Variants in OOSP2 observed in about 807,000 individuals in gnomAD.
The protein encoded by OOSP2 is oocyte-secreted protein 2.
In OOSP2, 7 loss-of-function variants were observed where a neutral mutation model predicts 13.4. The ratio of observed to expected loss-of-function variants is 0.52; its 90% CI spans 0.30 to 0.98. The LOEUF is 0.98. Ranked by LOEUF, OOSP2 falls within the 50% of genes least tolerant of loss-of-function variation. The pLI, the probability that OOSP2 is intolerant of heterozygous loss-of-function variation, is 0.07. For missense variants in OOSP2, 184 were observed against 188.5 expected, an observed-to-expected ratio of 0.98 and a Z score of 0.14; for synonymous variants, 75 against 67.2, an observed-to-expected ratio of 1.12 and a Z score of -0.57.
In OOSP2 at chr11:60,043,647, G is replaced by T; in HGVS notation, c.243G>T (p.Arg81Ser). ...TTCGTGATTGTGGCATCAGGACAAG[G>T]GTAAGAACAGTGATTGTTTGTAAAA... ...YLVRDCGIRT[R>S]VVSEETLLFQ... The change falls in exon 2 of 4, where the codon AGG becomes AGT. Residue 81 changes from arginine (R) to serine (S), a missense_variant and splice_region_variant. Transcript: ENST00000278855. 6.6e-7 allele frequency: 1 copy of T among 1,521,366 alleles called. No homozygotes were observed. The highest frequency in any genetic ancestry group is 1.2e-5 in the South Asian group (1 of 82,772). 94.2% of individuals were successfully genotyped at this position (1,521,366 alleles called of 1,614,324 possible).
rs1443051143 is a variant in OOSP2 at position 60,045,829 on chromosome 11, C to T, written c.347+1055C>T. 7.2e-5 allele frequency among the ~76,000 whole-genome samples: 11 copies of T among 152,194 alleles called. No individual in the cohort carries two copies. The South Asian group carries it at 2.1e-3, about 29-fold the overall frequency. ...ATTTTCATAATACTTTTACTCTTCCCTTTAACTTATTTTCATAAAGGCTGA... is the reference window on the plus strand; with the variant it reads ...ATTTTCATAATACTTTTACTCTTCCTTTTAACTTATTTTCATAAAGGCTGA... On this transcript the variant is annotated intron_variant, in intron 3 of 3. Coordinates refer to ENST00000278855, the MANE Select transcript of OOSP2 (RefSeq NM_173801.5).
chr11:60,046,988 A>G lies in OOSP2; in HGVS notation c.392A>G (p.Lys131Arg), dbSNP rs1565056466. The G allele has an allele frequency of 6.2e-7, 1 of 1,607,866 alleles. No individual in the cohort carries two copies. The highest frequency in any genetic ancestry group is 8.5e-7 in the Non-Finnish European group (1 of 1,174,470). ...CCAGTTTCTACTGAGAATGAAATAA[A>G]ATTGGATCCTAGTCCTTTTATTGCT... Reference protein sequence around the residue: ...LTPVSTENEIKLDPSPFIADF... With the variant: ...LTPVSTENEIRLDPSPFIADF... The change falls in exon 4 of 4, where the codon AAA (lysine) becomes AGA (arginine). Residue 131 changes from lysine to arginine, a missense_variant. Coordinates refer to ENST00000278855, the MANE Select transcript of OOSP2 (RefSeq NM_173801.5).
At chr11:60,046,644 G>A (rs567254932) in intron 3 of OOSP2, 4 of 501,776 alleles carry the variant, frequency 8.0e-6, no homozygotes, top group Non-Finnish European at 1.6e-5. Context: ...AGTCTGTTTT[G>A]CTGGGTACAT....
chr11:60,046,719 G>T, intron 3 of OOSP2: 1 of 647,178 alleles, frequency 1.5e-6, no homozygotes, highest in South Asian at 1.5e-5. Context: ...CTCAGTGTTT[G>T]ATGCAGAAAT....
chr11:60,041,371 A>G (rs987830751), intron 1 of OOSP2, among the ~76,000 whole-genome samples: 1 of 152,220 alleles, frequency 6.6e-6, no homozygotes, highest in African/African-American at 2.4e-5. Context: ...ACAGTTAATT[A>G]TTGAAATGAA....
intron 1 of OOSP2, 80 bp downstream of exon 1, chr11:60,040,603 T>C (rs1001796717): frequency 1.2e-6 from 1 of 803,954 alleles, no homozygotes; most frequent in Admixed American, 1.8e-5. Flanking sequence ...TTTTACTCCC[T>C]GAAGAAATCT....
intron 2 of OOSP2, among the ~76,000 whole-genome samples, chr11:60,044,202 T>C (rs1854977990): frequency 6.6e-6 from 1 of 152,238 alleles, no homozygotes; most frequent in African/African-American, 2.4e-5. Context: ...ATAACAATCA[T>C]TTTTGAATAA....
chr11:60,047,106 T>A lies in OOSP2; in HGVS notation c.*33T>A. The A allele has an allele frequency of 6.4e-7, 1 of 1,564,708 alleles. No homozygotes were observed. The highest frequency in any genetic ancestry group is 8.7e-7 in the Non-Finnish European group (1 of 1,153,982). On this transcript the variant is annotated 3_prime_UTR_variant, in exon 4 of 4. Transcript: ENST00000278855. ...GAGAAATGGAAACTTGAAGCTGGTG[T>A]TATGTATTTTGCAGGAAAACAGTTT...
chr11:60,046,247 A>G (rs903766957), intron 3 of OOSP2, among the ~76,000 whole-genome samples: 1 of 149,628 alleles, frequency 6.7e-6, no homozygotes, highest in Non-Finnish European at 1.5e-5. Context: ...CTCCATCTCC[A>G]TCTCTTTGTC....
intron 3 of OOSP2, among the ~76,000 whole-genome samples, chr11:60,045,010 A>AACAG (rs140812288): frequency 0.27 from 40,710 of 151,790 alleles, 6,132 homozygotes; most frequent in East Asian, 0.41. Flanking sequence ...TAATGGTCCT[A>AACAG]ACAATCTAGT....
At chr11:60,046,393 G>T (rs1229241686) in intron 3 of OOSP2, among the ~76,000 whole-genome samples, 2 of 152,000 alleles carry the variant, frequency 1.3e-5, no homozygotes, top group African/African-American at 2.4e-5. Context: ...ATGATAAATA[G>T]ATATTCCTAT....
At chr11:60,043,909 G>T (rs968404875) in intron 2 of OOSP2, among the ~76,000 whole-genome samples, 2 of 152,168 alleles carry the variant, frequency 1.3e-5, no homozygotes, top group African/African-American at 4.8e-5. Flanking sequence ...CTAAATATTA[G>T]CAGACTGCTT....
rs752322062 is a variant in OOSP2 at position 60,043,625 on chromosome 11, G to A, written c.221G>A (p.Arg74His). The A allele has an allele frequency of 1.6e-5, 25 of 1,602,644 alleles. No homozygotes were observed. Among genetic ancestry groups the A allele is most frequent in the Non-Finnish European group, 2.1e-5 (25 of 1,170,496 alleles). ...GTATATGAGTTTATATATCTTGTTC[G>A]TGATTGTGGCATCAGGACAAGGGTA... ...TYVYEFIYLV[R>H]DCGIRTRVVS... Residue 74 changes from arginine (R) to histidine (H), a missense_variant, in exon 2 of 4, where the codon CGT becomes CAT. Coordinates refer to ENST00000278855, the MANE Select transcript of OOSP2 (RefSeq NM_173801.5).
rs767852794 is a variant in OOSP2 at position 60,040,529 on chromosome 11, TAAC to T, written c.64+9_64+11del. The T allele has an allele frequency of 6.6e-7, 1 of 1,516,384 alleles. No individual in the cohort carries two copies. The highest frequency in any genetic ancestry group is 9.2e-7 in the Non-Finnish European group (1 of 1,090,694). The allele number at this position is 1,516,384 out of a possible 1,614,324, so 93.9% of individuals were successfully genotyped here. On this transcript the variant is annotated splice_region_variant and intron_variant, in intron 1 of 3. Coordinates refer to ENST00000278855, the MANE Select transcript of OOSP2 (RefSeq NM_173801.5). ...CGGTGCTGAGAACCTCCATGGTAAATAACAAGTTTTAGAGAATGCTTCCTCGAA... is the reference window on the plus strand; with the variant it reads ...CGGTGCTGAGAACCTCCATGGTAAATAAGTTTTAGAGAATGCTTCCTCGAA...
chr11:60,046,133 C>T (rs1480011739), intron 3 of OOSP2, among the ~76,000 whole-genome samples: 1 of 150,978 alleles, frequency 6.6e-6, no homozygotes, highest in Non-Finnish European at 1.5e-5. Flanking sequence ...GTCTCTCTGG[C>T]CTGTCTCTCT....
chr11:60,041,839 A>G lies in OOSP2; in HGVS notation c.64+1316A>G, dbSNP rs554729945. On this transcript the variant is annotated intron_variant, in intron 1 of 3. Transcript: ENST00000278855. ...GCACTCCAGCCTGGGTGACAGAGCG[A>G]GACTCTGTCTCAAAAAAAAAAAAAA... Among the ~76,000 whole-genome samples, 37 of 98,962 alleles carry G rather than the reference A, an allele frequency of 3.7e-4. No individual in the cohort carries two copies. In the South Asian group the frequency reaches 0.015, roughly 41 times the overall value. The allele number at this position is 98,962 out of a possible 152,430, so 64.9% of individuals were successfully genotyped here. A position where few individuals can be genotyped will look rare whatever the true frequency, so the allele number is the denominator to read the frequency against.
chr11:60,041,475 A>C (rs1854926812), intron 1 of OOSP2, among the ~76,000 whole-genome samples: 1 of 152,136 alleles, frequency 6.6e-6, no homozygotes, highest in Non-Finnish European at 1.5e-5. Context: ...GCCTGAGCAA[A>C]GGAAGATTCT....
chr11:60,046,305 A>G (rs1489896176), intron 3 of OOSP2, among the ~76,000 whole-genome samples: 6 of 152,018 alleles, frequency 3.9e-5, no homozygotes, highest in Admixed American at 3.9e-4. Context: ...TCTATGAACT[A>G]CCCAAAGCTT....
In OOSP2 at chr11:60,047,062, A is replaced by G. The variant is rs750692639; in HGVS notation, c.466A>G (p.Asn156Asp). 2 of 1,609,034 alleles carry G rather than the reference A, an allele frequency of 1.2e-6. No individual in the cohort carries two copies. Among genetic ancestry groups the G allele is most frequent in the South Asian group, 1.1e-5 (1 of 89,798 alleles). Residue 156 changes from asparagine to aspartate, a missense_variant, in exon 4 of 4, where the codon AAC (asparagine) becomes GAC (aspartate). By Grantham distance (23) the Asn-to-Asp change is conservative. Transcript: ENST00000278855. ...GTTAGGATTATTATCTTCTAGTCCA[A>G]ACTTGCTCTGAGCTAAAGGAGAAAT... ...EELGLLSSSPNLL is the reference protein window; with the variant it reads ...EELGLLSSSPDLL
Sources: allele counts gnomAD v4.1 joint callset (sites outside exome capture counted in the v4.1 genomes callset), GRCh38; gene constraint gnomAD v4.1.1; transcripts MANE v1.5; gene names NCBI Gene and HGNC (gene_info 2026-07-23, HGNC 2026-07-21).